Variants in TADA2A observed in about 807,000 individuals in gnomAD.
The protein encoded by TADA2A is transcriptional adapter 2-alpha.
A neutral mutation model predicts 67.4 loss-of-function variants in TADA2A; 38 were observed. The ratio of observed to expected loss-of-function variants is 0.56; its 90% CI spans 0.44 to 0.74. TADA2A has a LOEUF of 0.74. TADA2A is among the 30% of genes least tolerant of loss of function. The pLI is 0.00. For missense variants in TADA2A, 454 were observed against 547.0 expected, an observed-to-expected ratio of 0.83 and a Z score of 1.70; for synonymous variants, 192 against 181.6, an observed-to-expected ratio of 1.06 and a Z score of -0.46.
chr17:37,454,299 C>CTTTTTTTTTTT (rs34841409), intron 8 of TADA2A: 1 of 107,292 alleles, frequency 9.3e-6, no homozygotes, highest in Non-Finnish European at 1.9e-5. Context: ...TTCTTTCTTT[C>CTTTTTTTTTTT]TTTTTTTTTT....
intron 8 of TADA2A, among the ~76,000 whole-genome samples, chr17:37,449,559 A>T (rs1431327386): frequency 6.6e-6 from 1 of 152,038 alleles, no homozygotes; most frequent in African/African-American, 2.4e-5. Context: ...CAAGAGGTAG[A>T]GTCATCCCCA....
At chr17:37,416,982 G>C (rs2052069785) in intron 2 of TADA2A, among the ~76,000 whole-genome samples, 1 of 152,120 alleles carries the variant, frequency 6.6e-6, no homozygotes, top group South Asian at 2.1e-4. Context: ...CCTTTTGAAG[G>C]ACAGTTGGGC....
At chr17:37,459,247 C>CT (rs34871036) in intron 9 of TADA2A, among the ~76,000 whole-genome samples, 71,111 of 146,056 alleles carry the variant, frequency 0.49, 17,574 homozygotes, top group East Asian at 0.77. Context: ...TATTGTTACA[C>CT]TTTTTTTTTT....
chr17:37,422,035 T>G (rs1433378638), intron 2 of TADA2A, among the ~76,000 whole-genome samples: 1 of 142,738 alleles, frequency 7.0e-6, no homozygotes, highest in African/African-American at 2.5e-5. Flanking sequence ...CATACCGCCA[T>G]GCTTGGCTAA....
intron 14 of TADA2A, among the ~76,000 whole-genome samples, 163 bp from the exon 15 acceptor site, chr17:37,474,393 T>C (rs1322295779): frequency 6.6e-6 from 1 of 152,212 alleles, no homozygotes; most frequent in East Asian, 1.9e-4. Flanking sequence ...CGGGTGCCCA[T>C]GTTGTTAGCT....
At chr17:37,441,157 G>C (rs944576526) in intron 6 of TADA2A, among the ~76,000 whole-genome samples, 2 of 151,954 alleles carry the variant, frequency 1.3e-5, no homozygotes, top group Non-Finnish European at 2.9e-5. Context: ...TACTCTAAGG[G>C]TCAGAGTTCT....
intron 2 of TADA2A, among the ~76,000 whole-genome samples, chr17:37,421,201 TGAGACC>T (rs2052220430): frequency 6.8e-6 from 1 of 146,120 alleles, no homozygotes; most frequent in South Asian, 2.2e-4. Context: ...GGCAACACAG[TGAGACC>T]CTGTCTCTAC....
chr17:37,425,452 C>T (rs901203263), intron 3 of TADA2A, among the ~76,000 whole-genome samples: 10 of 152,128 alleles, frequency 6.6e-5, no homozygotes, highest in South Asian at 4.1e-4. Context: ...TTAGTATCCC[C>T]ATTTTATAGA....
chr17:37,418,576 A>G (rs1252002403), intron 2 of TADA2A, among the ~76,000 whole-genome samples: 1 of 151,886 alleles, frequency 6.6e-6, no homozygotes, highest in African/African-American at 2.4e-5. Context: ...AACATGTATG[A>G]TATTCCACTT....
chr17:37,427,658 G>C lies in TADA2A; in HGVS notation c.192+649G>C, dbSNP rs1374378261. On this transcript the variant is annotated intron_variant, in intron 4 of 15. Transcript: ENST00000615182. ...ATAAGCCAAAGTGAATATCCAGTCT[G>C]CTTGACGGGTATATATACCTTTGTC... 2.6e-5 allele frequency among the ~76,000 whole-genome samples: 4 copies of C among 152,156 alleles called. No homozygotes were observed. In the East Asian group the frequency reaches 7.7e-4, roughly 29 times the overall value.
At chr17:37,418,016 G>C (rs889775488) in intron 2 of TADA2A, among the ~76,000 whole-genome samples, 1 of 152,086 alleles carries the variant, frequency 6.6e-6, no homozygotes, top group South Asian at 2.1e-4. Context: ...CCCATATGTT[G>C]AATCACTGTG....
At chr17:37,472,446 A>C (rs1211791609) in intron 14 of TADA2A, among the ~76,000 whole-genome samples, 1 of 152,080 alleles carries the variant, frequency 6.6e-6, no homozygotes, top group African/African-American at 2.4e-5. Context: ...AGAAAAAGGT[A>C]TTGTTTTAGG....
intron 9 of TADA2A, among the ~76,000 whole-genome samples, 194 bp downstream of exon 9, chr17:37,458,781 AT>A (rs1290602785): frequency 1.3e-5 from 2 of 151,860 alleles, no homozygotes; most frequent in Admixed American, 1.3e-4. Context: ...GGCTCAATTG[AT>A]TCTCCCACCT....
At chr17:37,460,984 A>G (rs2053534283) in intron 9 of TADA2A, among the ~76,000 whole-genome samples, 2 of 151,998 alleles carry the variant, frequency 1.3e-5, no homozygotes. Flanking sequence ...AAGCAAAAGA[A>G]AAAAAAGGGA....
chr17:37,471,601 G>A (rs2522970), intron 14 of TADA2A, among the ~76,000 whole-genome samples: 69,451 of 151,722 alleles, frequency 0.46, 16,339 homozygotes, highest in East Asian at 0.72. Context: ...TCCGCTTCCC[G>A]GGTTCAAGTG....
At chr17:37,463,743 C>T (rs1022757832) in intron 10 of TADA2A, among the ~76,000 whole-genome samples, 7 of 151,644 alleles carry the variant, frequency 4.6e-5, no homozygotes, top group Admixed American at 3.9e-4. Context: ...CTCCCAGGCT[C>T]AGGTGATTCT....
intron 9 of TADA2A, 72 bp from the exon 10 acceptor site, chr17:37,462,006 G>A: frequency 3.4e-6 from 4 of 1,161,952 alleles, no homozygotes; most frequent in African/African-American, 1.6e-5. Flanking sequence ...TCTGATGATA[G>A]CTATATGTGT....
At chr17:37,420,898 A>G (rs977729733) in intron 2 of TADA2A, among the ~76,000 whole-genome samples, 6 of 146,942 alleles carry the variant, frequency 4.1e-5, no homozygotes, top group Admixed American at 1.4e-4. Context: ...ATCATAGAGA[A>G]CAATTTTGCT....
intron 14 of TADA2A, among the ~76,000 whole-genome samples, chr17:37,471,706 A>G (rs2053790628): frequency 1.3e-5 from 2 of 152,014 alleles, no homozygotes; most frequent in Admixed American, 6.6e-5. Flanking sequence ...CGGTTTTGCC[A>G]TGTTGGCCAG....
Sources: allele counts gnomAD v4.1 joint callset (sites outside exome capture counted in the v4.1 genomes callset), GRCh38; gene constraint gnomAD v4.1.1; transcripts MANE v1.5; gene names NCBI Gene and HGNC (gene_info 2026-07-23, HGNC 2026-07-21).